The following HMCN1 variants were observed in gnomAD, a reference collection of about 807,000 sequenced individuals.
The protein encoded by HMCN1 is hemicentin-1.
Under a neutral mutation model 625.9 loss-of-function variants are expected in HMCN1, and 321 were observed. The observed-to-expected ratio is 0.51, with a 90% CI of 0.47 to 0.56. The LOEUF is 0.56. Among genes scored for constraint, HMCN1 ranks in the 20% least tolerant of loss-of-function variants. The probability of loss-of-function intolerance (pLI) is 0.00; values close to 1 mark genes in which losing one functional copy is unlikely to be tolerated. For missense variants in HMCN1, 6,588 were observed against 6,887.3 expected (o/e 0.96, Z 1.54); for synonymous variants, 2,425 against 2,417.6 (o/e 1.00, Z -0.09).
At chr1:185,744,382 G>A (rs987969292) in intron 1 of HMCN1, among the ~76,000 whole-genome samples, 4 of 152,092 alleles carry the variant, frequency 2.6e-5, no homozygotes, top group Non-Finnish European at 4.4e-5. Context: ...CATATATTCA[G>A]TGCTTTGAGA....
rs751290027 is a variant in HMCN1 at position 186,001,570 on chromosome 1, CACTG to C, written c.4201-21_4201-18del. On this transcript the variant is annotated intron_variant, in intron 27 of 106. Transcript: ENST00000271588. ...GCATTTTTATTAGGATTGGAAATAACACTGACCATTTTGGCCCTTAAAGGTGACT... is the reference window on the plus strand; with the variant it reads ...GCATTTTTATTAGGATTGGAAATAACACCATTTTGGCCCTTAAAGGTGACT... The C allele has an allele frequency of 1.9e-6, 3 of 1,612,460 alleles. No homozygotes were observed. Among genetic ancestry groups the C allele is most frequent in the Non-Finnish European group, 2.5e-6 (3 of 1,178,746 alleles).
intron 11 of HMCN1, among the ~76,000 whole-genome samples, chr1:185,948,869 G>A (rs1668490002): frequency 6.6e-6 from 1 of 151,770 alleles, no homozygotes; most frequent in African/African-American, 2.4e-5. Context: ...TAGGGGCGGC[G>A]TGGGAACCTA....
intron 76 of HMCN1, 139 bp downstream of exon 76, chr1:186,117,254 T>C (rs1365859901): frequency 1.6e-6 from 2 of 1,244,568 alleles, no homozygotes; most frequent in Admixed American, 1.9e-5. Context: ...AGGTTCGTTA[T>C]ATGGGTAAAC....
At chr1:186,184,678 C>A (rs1279234466) in intron 105 of HMCN1, among the ~76,000 whole-genome samples, 3 of 149,674 alleles carry the variant, frequency 2.0e-5, no homozygotes, top group Admixed American at 2.0e-4. Flanking sequence ...CTTATATTTT[C>A]TATAAGACAG....
chr1:186,186,994 T>TCACA (rs371455899), intron 105 of HMCN1, among the ~76,000 whole-genome samples: 2,477 of 134,488 alleles, frequency 0.018, 45 homozygotes, highest in Admixed American at 0.044. Context: ...TGTCTCTGTC[T>TCACA]CACACACACA....
chr1:186,054,206 A>G (rs1242769044), intron 44 of HMCN1, among the ~76,000 whole-genome samples: 1 of 152,026 alleles, frequency 6.6e-6, no homozygotes, highest in Non-Finnish European at 1.5e-5. Context: ...TAGCTCACCA[A>G]TGACAGACAC....
At chr1:186,013,623 C>T (rs1197776119) in intron 30 of HMCN1, among the ~76,000 whole-genome samples, 1 of 151,894 alleles carries the variant, frequency 6.6e-6, no homozygotes, top group African/African-American at 2.4e-5. Flanking sequence ...GGAGCTGGGG[C>T]AGGGAATACA....
At chr1:185,875,271 A>G (rs1241509294) in intron 4 of HMCN1, among the ~76,000 whole-genome samples, 3 of 151,988 alleles carry the variant, frequency 2.0e-5, no homozygotes, top group Admixed American at 2.0e-4. Context: ...ATAAAGGAAA[A>G]TAGTGAAGCC....
intron 52 of HMCN1, among the ~76,000 whole-genome samples, chr1:186,071,101 T>G (rs879841183): frequency 2.0e-5 from 3 of 152,184 alleles, no homozygotes; most frequent in African/African-American, 4.8e-5. Flanking sequence ...ACAGTTCTTT[T>G]CATTTTTTTG....
chr1:186,161,032 C>CCACA (rs1414161512), intron 97 of HMCN1, among the ~76,000 whole-genome samples: 1 of 152,040 alleles, frequency 6.6e-6, no homozygotes, highest in Non-Finnish European at 1.5e-5. Flanking sequence ...TTAAAGTCTC[C>CCACA]CATTATTAAT....
intron 14 of HMCN1, among the ~76,000 whole-genome samples, chr1:185,967,249 CTT>C (rs1650471836): frequency 6.6e-6 from 1 of 152,090 alleles, no homozygotes; most frequent in Non-Finnish European, 1.5e-5. Context: ...CACAAACAGT[CTT>C]TTATTCCCCC....
At chr1:185,818,202 A>T (rs1659961091) in intron 1 of HMCN1, among the ~76,000 whole-genome samples, 1 of 152,198 alleles carries the variant, frequency 6.6e-6, no homozygotes, top group African/African-American at 2.4e-5. Flanking sequence ...CAATCATTCC[A>T]AGCCTCACTG....
At chr1:185,777,537 C>T (rs113692042) in intron 1 of HMCN1, among the ~76,000 whole-genome samples, 3 of 152,060 alleles carry the variant, frequency 2.0e-5, no homozygotes, top group Non-Finnish European at 4.4e-5. Flanking sequence ...CTACCATCTC[C>T]GCCTCCTGGC....
intron 63 of HMCN1, 75 bp from the exon 64 acceptor site, chr1:186,090,683 T>A: frequency 1.3e-6 from 2 of 1,509,048 alleles, no homozygotes; most frequent in African/African-American, 1.4e-5. Context: ...AAATGTCATA[T>A]TGTTTTATGA....
chr1:186,000,270 G>A (rs757623203), intron 26 of HMCN1, 31 bp downstream of exon 26: 2 of 1,504,016 alleles, frequency 1.3e-6, no homozygotes, highest in Non-Finnish European at 1.8e-6. Context: ...GTAACTGACT[G>A]TTTGCCAGTC....
chr1:186,124,095 A>G (rs796843441), intron 81 of HMCN1, among the ~76,000 whole-genome samples: 55 of 152,224 alleles, frequency 3.6e-4, no homozygotes, highest in African/African-American at 1.2e-3. Flanking sequence ...CAAATAAATA[A>G]TACTCCTTCT....
chr1:186,187,674 G>T (rs1162137607), intron 105 of HMCN1, among the ~76,000 whole-genome samples: 1 of 152,044 alleles, frequency 6.6e-6, no homozygotes, highest in African/African-American at 2.4e-5. Context: ...TTCACATAAA[G>T]AAATATGTGC....
At chr1:185,990,214 A>T (rs1442054994) in intron 21 of HMCN1, 61 bp from the exon 22 acceptor site, 2 of 1,423,412 alleles carry the variant, frequency 1.4e-6, no homozygotes, top group Non-Finnish European at 2.0e-6. Flanking sequence ...TTTTAGTGTA[A>T]ATTAAACTGT....
chr1:185,958,987 T>TAAAAGGTCTATATATATACAAAG (rs1341972753), intron 11 of HMCN1, among the ~76,000 whole-genome samples: 1 of 152,196 alleles, frequency 6.6e-6, no homozygotes, highest in Non-Finnish European at 1.5e-5. Context: ...TACTTTATAG[T>TAAAAGGTCTATATATATACAAAG]GTCTGTGAGA....
Sources: allele counts gnomAD v4.1 joint callset (sites outside exome capture counted in the v4.1 genomes callset), GRCh38; gene constraint gnomAD v4.1.1; transcripts MANE v1.5; gene names NCBI Gene and HGNC (gene_info 2026-07-23, HGNC 2026-07-21).